GNB1: variants seen among roughly 807,000 people sequenced by gnomAD.
The protein encoded by GNB1 is G protein subunit beta 1, also known as guanine nucleotide-binding protein G(I)/G(S)/G(T) subunit beta-1.
In GNB1, 2 loss-of-function variants were observed where a neutral mutation model predicts 42.9. The ratio of observed to expected loss-of-function variants is 0.05; its 90% CI spans 0.02 to 0.15. The LOEUF (loss-of-function observed/expected upper bound fraction) is 0.15. Among genes scored for constraint, GNB1 ranks in the 10% least tolerant of loss-of-function variants. The pLI is 1.00. For missense variants in GNB1, 193 were observed against 462.2 expected (o/e 0.42, Z 5.34); for synonymous variants, 183 against 174.7 (o/e 1.05, Z -0.38).
intron 2 of GNB1, among the ~76,000 whole-genome samples, chr1:1,837,205 AT>A (rs1647163490): frequency 1.3e-5 from 2 of 149,158 alleles, no homozygotes; most frequent in South Asian, 2.1e-4. Context: ...TCAAAATCTC[AT>A]TTTTTCTAAT....
chr1:1,815,886 AAATC>A, intron 4 of GNB1, 24 bp from the exon 5 acceptor site: 2 of 1,364,452 alleles, frequency 1.5e-6, no homozygotes, highest in Non-Finnish European at 2.1e-6. Flanking sequence ...ACATTTCTGT[AAATC>A]AACATCTGTG....
At chr1:1,821,397 T>C (rs2100941426) in intron 3 of GNB1, among the ~76,000 whole-genome samples, 1 of 152,340 alleles carries the variant, frequency 6.6e-6, no homozygotes, top group South Asian at 2.1e-4. Context: ...AAAAGGAGCA[T>C]GCAAGGTCCT....
chr1:1,836,032 G>C (rs992151869), intron 2 of GNB1, among the ~76,000 whole-genome samples: 1 of 151,122 alleles, frequency 6.6e-6, no homozygotes, highest in Non-Finnish European at 1.5e-5. Flanking sequence ...CATGGATGCA[G>C]TCAGCTATGA....
intron 1 of GNB1, among the ~76,000 whole-genome samples, chr1:1,878,340 A>C (rs901404386): frequency 3.3e-5 from 5 of 152,188 alleles, no homozygotes; most frequent in Admixed American, 2.0e-4. Flanking sequence ...AAAACCTTCA[A>C]GTACCTCTCC....
chr1:1,811,627 C>A (rs1646780844), intron 5 of GNB1, among the ~76,000 whole-genome samples: 1 of 151,298 alleles, frequency 6.6e-6, no homozygotes, highest in African/African-American at 2.4e-5. Context: ...ACCTGGGAGG[C>A]AGAGCTTGCA....
intron 1 of GNB1, among the ~76,000 whole-genome samples, chr1:1,856,638 G>A (rs1648319432): frequency 1.3e-5 from 2 of 151,866 alleles, no homozygotes; most frequent in African/African-American, 2.4e-5. Context: ...ATGTTGGCCA[G>A]GATAGTCTCC....
intron 3 of GNB1, among the ~76,000 whole-genome samples, chr1:1,823,564 A>G (rs534475826): frequency 2.6e-5 from 4 of 152,316 alleles, no homozygotes; most frequent in African/African-American, 9.6e-5. Flanking sequence ...GACATGTTAA[A>G]CAAGTCTGAT....
At chr1:1,827,249 G>A (rs778104350) in intron 2 of GNB1, among the ~76,000 whole-genome samples, 15 of 152,106 alleles carry the variant, frequency 9.9e-5, no homozygotes, top group South Asian at 2.1e-4. Flanking sequence ...TGATGTCTAC[G>A]GTCCACAGAA....
chr1:1,800,310 G>A (rs1435689593), intron 7 of GNB1, among the ~76,000 whole-genome samples: 2 of 152,126 alleles, frequency 1.3e-5, no homozygotes, highest in Non-Finnish European at 2.9e-5. Context: ...CAAGGACAGG[G>A]AATCTCAGCA....
intron 1 of GNB1, among the ~76,000 whole-genome samples, chr1:1,883,924 G>A (rs1418056853): frequency 1.3e-5 from 2 of 150,256 alleles, no homozygotes; most frequent in African/African-American, 4.9e-5. Context: ...GAAACCTATT[G>A]TAGACTCTTT....
chr1:1,810,544 A>G (rs2100781994), intron 5 of GNB1, among the ~76,000 whole-genome samples: 1 of 151,134 alleles, frequency 6.6e-6, no homozygotes, highest in East Asian at 1.9e-4. Context: ...TCAAAAAAAA[A>G]AAAAAAAAAA....
chr1:1,804,133 A>T (rs1228805704), intron 7 of GNB1, among the ~76,000 whole-genome samples: 2 of 150,824 alleles, frequency 1.3e-5, no homozygotes, highest in Non-Finnish European at 3.0e-5. Context: ...CTCTACTAAA[A>T]ATACAAAAAA....
At chr1:1,797,118 T>C (rs1646556834) in intron 7 of GNB1, among the ~76,000 whole-genome samples, 1 of 152,188 alleles carries the variant, frequency 6.6e-6, no homozygotes. Flanking sequence ...CGTGGCCAGA[T>C]GCAGCCCTGT....
rs772464654 is a variant in GNB1 at position 1,790,621 on chromosome 1, G to GT, written c.498-26_498-25insA. The GT allele has an allele frequency of 7.7e-6, 12 of 1,562,496 alleles. No homozygotes were observed. In the East Asian group the frequency reaches 2.7e-4, roughly 35 times the overall value. The stretch of plus-strand genomic sequence containing the variant: ...ACTGGAGCAGGAGCGAATGACAAGG[G>GT]GACATCAGCCTTAACTTCTTGGGTG... On this transcript the variant is annotated intron_variant, in intron 8 of 11. Coordinates refer to ENST00000378609, the MANE Select transcript of GNB1 (RefSeq NM_002074.5). The surrounding 1 kb of genome is among the most constrained non-coding windows in gnomAD (Gnocchi z 5.4).
chr1:1,846,579 T>C (rs1647680026), intron 1 of GNB1, among the ~76,000 whole-genome samples: 1 of 151,906 alleles, frequency 6.6e-6, no homozygotes, highest in Non-Finnish European at 1.5e-5. Flanking sequence ...AATCAATCAA[T>C]CAATCAATCA....
intron 1 of GNB1, among the ~76,000 whole-genome samples, chr1:1,852,752 G>A (rs1648063032): frequency 1.3e-5 from 2 of 151,342 alleles, no homozygotes; most frequent in African/African-American, 2.4e-5. Context: ...CCCCTGAGTG[G>A]AGTGCAACTT....
intron 5 of GNB1, among the ~76,000 whole-genome samples, chr1:1,815,106 C>A (rs1382561417): frequency 6.8e-6 from 1 of 147,594 alleles, no homozygotes; most frequent in African/African-American, 2.5e-5. Flanking sequence ...AGTGAGACTC[C>A]GTCTTTAAAA....
intron 1 of GNB1, among the ~76,000 whole-genome samples, chr1:1,871,423 G>A (rs1381816872): frequency 6.6e-6 from 1 of 152,114 alleles, no homozygotes; most frequent in Non-Finnish European, 1.5e-5. Context: ...TCGCGCTACT[G>A]CACTCCAGCC....
chr1:1,857,579 A>G (rs1648375736), intron 1 of GNB1, among the ~76,000 whole-genome samples: 1 of 152,042 alleles, frequency 6.6e-6, no homozygotes, highest in South Asian at 2.1e-4. Flanking sequence ...CAAAGGGACA[A>G]TGGGTGGAGT....
Sources: allele counts gnomAD v4.1 joint callset (sites outside exome capture counted in the v4.1 genomes callset), GRCh38; gene constraint gnomAD v4.1.1; non-coding constraint Gnocchi (gnomAD v3.1); transcripts MANE v1.5; gene names NCBI Gene and HGNC (gene_info 2026-07-23, HGNC 2026-07-21).